Variants in WDFY2 observed in about 807,000 individuals in gnomAD.
WDFY2 encodes WD repeat and FYVE domain containing 2.
A neutral mutation model predicts 56.4 loss-of-function variants in WDFY2; 36 were observed. The ratio of observed to expected loss-of-function variants is 0.64; its 90% CI spans 0.49 to 0.84. The LOEUF (loss-of-function observed/expected upper bound fraction) is 0.84, where lower values mean the gene tolerates loss of function less well. Ranked by LOEUF, WDFY2 falls within the 40% of genes least tolerant of loss-of-function variation. WDFY2 has a pLI of 0.00. For synonymous variants in WDFY2, 176 were observed against 183.7 expected, an observed-to-expected ratio of 0.96 and a Z score of 0.34; for missense variants, 444 against 512.2, an observed-to-expected ratio of 0.87 and a Z score of 1.29.
chr13:51,613,995 G>A (rs1283563822), intron 1 of WDFY2, among the ~76,000 whole-genome samples: 1 of 151,894 alleles, frequency 6.6e-6, no homozygotes, highest in Non-Finnish European at 1.5e-5. Context: ...GACCAGCCTG[G>A]CTAACATAGT....
intron 3 of WDFY2, among the ~76,000 whole-genome samples, chr13:51,690,311 C>T (rs1049338807): frequency 8.6e-5 from 13 of 150,862 alleles, no homozygotes; most frequent in African/African-American, 2.9e-4. Context: ...CGTCATCTAG[C>T]ATTGGGTATA....
chr13:51,601,070 C>T (rs1954270587), intron 1 of WDFY2, among the ~76,000 whole-genome samples: 1 of 152,176 alleles, frequency 6.6e-6, no homozygotes, highest in African/African-American at 2.4e-5. Context: ...AATTTTAGCA[C>T]TGGTGAGTAG....
At chr13:51,631,425 A>C (rs1172330757) in intron 1 of WDFY2, among the ~76,000 whole-genome samples, 2 of 151,778 alleles carry the variant, frequency 1.3e-5, no homozygotes, top group African/African-American at 4.8e-5. Flanking sequence ...AAAGAAGGAA[A>C]ACAATTCTCT....
chr13:51,607,640 A>ACC (rs1266245373), intron 1 of WDFY2, among the ~76,000 whole-genome samples: 1 of 152,136 alleles, frequency 6.6e-6, no homozygotes, highest in Admixed American at 6.6e-5. Flanking sequence ...TCTAATTAAA[A>ACC]CAACAAAAAT....
At chr13:51,712,698 G>C (rs1335802705) in intron 4 of WDFY2, among the ~76,000 whole-genome samples, 1 of 150,884 alleles carries the variant, frequency 6.6e-6, no homozygotes, top group Non-Finnish European at 1.5e-5. Context: ...CTAGTGTTTT[G>C]ATAAGCTCAA....
rs377450639 is a variant in WDFY2 at position 51,601,540 on chromosome 13, G to A, written c.137+16716G>A. ...AGCGATTGTCCTGCCTCAGCCTCCC[G>A]AGTTGCTAGGATTACAGGCACCTGC... On this transcript the variant is annotated intron_variant, in intron 1 of 11. Coordinates refer to ENST00000298125, the MANE Select transcript of WDFY2 (RefSeq NM_052950.4). 9.5e-4 allele frequency among the ~76,000 whole-genome samples: 144 copies of A among 151,868 alleles called. 1 individual carries two copies. The South Asian group carries it at 0.029, about 31-fold the overall frequency.
intron 1 of WDFY2, chr13:51,592,596 A>G (rs946016422): frequency 6.6e-6 from 1 of 151,834 alleles, no homozygotes; most frequent in African/African-American, 2.4e-5. Context: ...AGACAAAAAT[A>G]AATAAAATAA....
chr13:51,687,928 G>T (rs1464977878), intron 3 of WDFY2, among the ~76,000 whole-genome samples: 1 of 152,102 alleles, frequency 6.6e-6, no homozygotes, highest in African/African-American at 2.4e-5. Context: ...TGACGGCTGG[G>T]GAAATGAGAC....
intron 1 of WDFY2, among the ~76,000 whole-genome samples, chr13:51,635,096 G>A (rs1046422940): frequency 9.9e-5 from 15 of 151,608 alleles, no homozygotes; most frequent in African/African-American, 2.4e-4. Context: ...CTGCCACCAC[G>A]CCTGGCTAAT....
At chr13:51,671,221 G>A (rs1057279476) in intron 2 of WDFY2, among the ~76,000 whole-genome samples, 7 of 152,140 alleles carry the variant, frequency 4.6e-5, no homozygotes, top group Admixed American at 3.9e-4. Flanking sequence ...TTTTGTCTGG[G>A]TAGATATCCA....
rs139229627 is a variant in WDFY2 at position 51,733,930 on chromosome 13, G to A, written c.599-5119G>A. On this transcript the variant is annotated intron_variant, in intron 6 of 11. Transcript: ENST00000298125. ...AGAGACAGCTGGGTGAAGAGTTATG[G>A]ATCTCAGGAAGAAGGTATACTCTAG... 7.4e-4 allele frequency among the ~76,000 whole-genome samples: 113 copies of A among 152,290 alleles called. No individual in the cohort carries two copies. In the East Asian group the frequency reaches 0.014, roughly 19 times the overall value.
At position 51,660,657 on chromosome 13, in the gene WDFY2, A is replaced by G. The variant is rs530261992; in HGVS notation, c.199A>G (p.Met67Val). Residue 67 changes from methionine to valine, a missense_variant, in exon 2 of 12, where the codon ATG (methionine) becomes GTG (valine). Physicochemically the swap from Met to Val is conservative, Grantham distance 21. Coordinates refer to ENST00000298125, the MANE Select transcript of WDFY2 (RefSeq NM_052950.4). ...GTATTGGCCAAGCGTATACCATGCAATGCCTTGTAAGTATCCAAATCGCTG... is the reference window on the plus strand; with the variant it reads ...GTATTGGCCAAGCGTATACCATGCAGTGCCTTGTAAGTATCCAAATCGCTG... ...GQYWPSVYHA[M>V]PSPCSCMSFN... The G allele has an allele frequency of 2.0e-5, 32 of 1,613,754 alleles. No individual in the cohort carries two copies. In the Admixed American group the frequency reaches 3.8e-4, roughly 19 times the overall value.
chr13:51,738,645 G>A (rs768188177), intron 6 of WDFY2, among the ~76,000 whole-genome samples: 5 of 152,170 alleles, frequency 3.3e-5, no homozygotes, highest in Non-Finnish European at 7.4e-5. Context: ...AAATCTAATT[G>A]AGCATTTGTA....
chr13:51,719,754 G>A (rs1296154195), intron 5 of WDFY2, among the ~76,000 whole-genome samples: 1 of 152,162 alleles, frequency 6.6e-6, no homozygotes, highest in Non-Finnish European at 1.5e-5. Flanking sequence ...TTGGTGCCTG[G>A]GAGAAGAACC....
chr13:51,730,326 T>G (rs1175265207), intron 6 of WDFY2, among the ~76,000 whole-genome samples: 1 of 152,206 alleles, frequency 6.6e-6, no homozygotes, highest in African/African-American at 2.4e-5. Context: ...TACTTAACTT[T>G]TCAGCAGCAT....
intron 1 of WDFY2, among the ~76,000 whole-genome samples, chr13:51,618,562 A>T (rs539834918): frequency 1.0e-3 from 156 of 152,360 alleles, no homozygotes; most frequent in Admixed American, 1.3e-3. Context: ...GGATAACTTT[A>T]TAATTAATGA....
At chr13:51,614,830 G>T (rs1421368058) in intron 1 of WDFY2, among the ~76,000 whole-genome samples, 1 of 152,160 alleles carries the variant, frequency 6.6e-6, no homozygotes, top group East Asian at 1.9e-4. Flanking sequence ...AGAATTATGT[G>T]TCTGTTGTCT....
At chr13:51,698,064 GCA>G (rs1188394985) in intron 3 of WDFY2, among the ~76,000 whole-genome samples, 3 of 152,170 alleles carry the variant, frequency 2.0e-5, no homozygotes, top group Non-Finnish European at 4.4e-5. Context: ...GGAAAGTGAA[GCA>G]CAGAGCTCTT....
intron 1 of WDFY2, among the ~76,000 whole-genome samples, chr13:51,644,830 G>A (rs1955235651): frequency 6.6e-6 from 1 of 152,158 alleles, no homozygotes; most frequent in African/African-American, 2.4e-5. Context: ...GACAATACTG[G>A]ACAACACCCA....
Sources: allele counts gnomAD v4.1 joint callset (sites outside exome capture counted in the v4.1 genomes callset), GRCh38; gene constraint gnomAD v4.1.1; transcripts MANE v1.5; gene names NCBI Gene and HGNC (gene_info 2026-07-23, HGNC 2026-07-21).